Variants in SMCO2 observed in about 807,000 individuals in gnomAD.
SMCO2 encodes single-pass membrane protein with coiled-coil domains 2, also known as single-pass membrane and coiled-coil domain-containing protein 2.
SMCO2 carries 25 observed loss-of-function variants against 29.5 expected under a neutral mutation model. The ratio of observed to expected loss-of-function variants is 0.85; its 90% CI spans 0.62 to 1.18. The LOEUF (loss-of-function observed/expected upper bound fraction) is 1.18. SMCO2 is among the 50% of genes most tolerant of loss of function. The pLI is 0.00. For missense variants in SMCO2, 348 were observed against 344.5 expected, an observed-to-expected ratio of 1.01 and a Z score of -0.08; for synonymous variants, 117 against 123.3, an observed-to-expected ratio of 0.95 and a Z score of 0.34.
chr12:27,438,027 G>C, the SMCO2 span, among the ~76,000 whole-genome samples: 5 of 152,064 alleles, frequency 3.3e-5, no homozygotes, highest in African/African-American at 1.2e-4. Context: ...ACACTCCCGG[G>C]CTTCCTGCTT....
intron 1 of SMCO2, among the ~76,000 whole-genome samples, chr12:27,469,756 C>G (rs1372298361): frequency 6.6e-6 from 1 of 152,166 alleles, no homozygotes; most frequent in Non-Finnish European, 1.5e-5. Flanking sequence ...TTTCTATGAG[C>G]CTATCTCACA....
intron 1 of SMCO2, among the ~76,000 whole-genome samples, chr12:27,469,375 AC>A (rs1220845987): frequency 1.9e-4 from 29 of 152,140 alleles, no homozygotes; most frequent in Admixed American, 2.0e-4. Flanking sequence ...CCCCTTTTAT[AC>A]CACACAAGTC....
chr12:27,458,684 G>A, the SMCO2 span, among the ~76,000 whole-genome samples: 4 of 152,086 alleles, frequency 2.6e-5, no homozygotes, highest in South Asian at 2.1e-4. Flanking sequence ...TCAGGAGTTC[G>A]AGACCAGCCT....
At chr12:27,484,660 C>A (rs893500778) in intron 4 of SMCO2, among the ~76,000 whole-genome samples, 6 of 151,758 alleles carry the variant, frequency 4.0e-5, no homozygotes, top group Non-Finnish European at 4.4e-5. Flanking sequence ...TTTAAAAAAT[C>A]TGGCCAACAT....
exon 8 of SMCO2, chr12:27,502,031 G>C (rs1943085595): frequency 3.9e-6 from 6 of 1,548,286 alleles, no homozygotes; most frequent in Non-Finnish European, 5.2e-6. Context: ...GGGTGCTTCT[G>C]AGAATGCTTG....
At chr12:27,466,617 A>G (rs1949500504), upstream of SMCO2, among the ~76,000 whole-genome samples, 2 of 152,084 alleles carry the variant, frequency 1.3e-5, no homozygotes, top group African/African-American at 4.8e-5. Flanking sequence ...AGATGGGTGG[A>G]CAGAGGGCTG....
At chr12:27,458,033 A>G in the SMCO2 span, among the ~76,000 whole-genome samples, 4 of 152,180 alleles carry the variant, frequency 2.6e-5, no homozygotes, top group Admixed American at 6.5e-5. Flanking sequence ...TGTCAGCTGT[A>G]TTGTTAAACG....
At chr12:27,476,237 G>A (rs187638876) in intron 4 of SMCO2, among the ~76,000 whole-genome samples, 2 of 152,086 alleles carry the variant, frequency 1.3e-5, no homozygotes, top group Admixed American at 6.6e-5. Context: ...TGATATGATT[G>A]CAATGTTTTA....
At chr12:27,455,740 T>G in the SMCO2 span, among the ~76,000 whole-genome samples, 1 of 152,174 alleles carries the variant, frequency 6.6e-6, no homozygotes, top group Admixed American at 6.5e-5. Context: ...TATTCAGGAA[T>G]AGGAGGAATC....
chr12:27,501,415 C>CA (rs540673188), intron 7 of SMCO2, among the ~76,000 whole-genome samples: 1,955 of 85,574 alleles, frequency 0.023, 63 homozygotes, highest in African/African-American at 0.069. Context: ...GACTCCGTCT[C>CA]AAAAAAAAAA....
intron 4 of SMCO2, among the ~76,000 whole-genome samples, chr12:27,484,463 G>A (rs754107519): frequency 6.6e-6 from 1 of 152,086 alleles, no homozygotes; most frequent in Non-Finnish European, 1.5e-5. Context: ...CTGAAAAAAA[G>A]CATTCATTTT....
chr12:27,452,378 A>G, the SMCO2 span, among the ~76,000 whole-genome samples: 3 of 152,190 alleles, frequency 2.0e-5, no homozygotes, highest in South Asian at 2.1e-4. Flanking sequence ...TCCATGGTCT[A>G]TCTTTCCACA....
chr12:27,496,035 GA>G (rs1942996828), intron 7 of SMCO2, among the ~76,000 whole-genome samples, 180 bp downstream of exon 8: 1 of 150,122 alleles, frequency 6.7e-6, no homozygotes, highest in South Asian at 2.1e-4. Context: ...TTCTTATTTA[GA>G]TAAAGATCTA....
chr12:27,495,247 A>G (rs1266801182), intron 6 of SMCO2, among the ~76,000 whole-genome samples: 1 of 138,772 alleles, frequency 7.2e-6, no homozygotes, highest in African/African-American at 3.0e-5. Flanking sequence ...GTAATATAGA[A>G]TGTATGTATG....
Position 27,495,766 on chromosome 12 carries a change from G to A in SMCO2, c.594G>A (p.Glu198=), listed in dbSNP as rs1186995387. The A allele has an allele frequency of 1.9e-6, 3 of 1,541,112 alleles. No homozygotes were observed. The South Asian group carries it at 3.6e-5, about 19-fold the overall frequency. Residue 198 remains glutamate (E), a synonymous_variant, in exon 7 of 8, where the codon GAG becomes GAA. Coordinates refer to ENST00000298876, the Ensembl canonical transcript of SMCO2. ...AGGACACTGACTCTCACAGTTCTGA[G>A]GAAATAGATACGGAAGAGATGGAGG...
At chr12:27,496,199 A>T (rs1187404485) in intron 7 of SMCO2, among the ~76,000 whole-genome samples, 1 of 150,268 alleles carries the variant, frequency 6.7e-6, no homozygotes, top group Non-Finnish European at 1.5e-5. Context: ...AATGTTAATT[A>T]TATTTTTAGT....
intron 7 of SMCO2, among the ~76,000 whole-genome samples, chr12:27,501,341 A>G (rs1257388021): frequency 7.0e-6 from 1 of 142,680 alleles, no homozygotes; most frequent in Non-Finnish European, 1.5e-5. Flanking sequence ...ACATGAACCC[A>G]AGAGGCAGAG....
At chr12:27,464,406 G>C (rs1949481210), upstream of SMCO2, among the ~76,000 whole-genome samples, 1 of 152,036 alleles carries the variant, frequency 6.6e-6, no homozygotes, top group Non-Finnish European at 1.5e-5. Context: ...ATATTTTGGA[G>C]TTAACCAGAG....
chr12:27,485,871 ATTTAAATTTTGAGCTTTGT>A (rs1334185116), intron 4 of SMCO2, among the ~76,000 whole-genome samples: 1 of 152,162 alleles, frequency 6.6e-6, no homozygotes, highest in African/African-American at 2.4e-5. Context: ...TTGTGTGTAC[ATTTAAATTTTGAGCTTTGT>A]TCTGGAACAC....
Sources: gnomAD v4.1 joint callset for allele counts (sites outside exome capture counted in the v4.1 genomes callset) on GRCh38, gnomAD v4.1.1 for gene constraint, MANE v1.5 for transcripts, NCBI Gene and HGNC (gene_info 2026-07-23, HGNC 2026-07-21) for gene names.